The following ASTN1 variants were observed in gnomAD, a reference collection of about 807,000 sequenced individuals.
ASTN1 encodes the protein astrotactin 1.
Under a neutral mutation model 140.7 loss-of-function variants are expected in ASTN1, and 41 were observed. The observed-to-expected ratio is 0.29, with a 90% CI of 0.23 to 0.38. ASTN1 has a LOEUF of 0.38. Ranked by LOEUF, ASTN1 falls within the 10% of genes least tolerant of loss-of-function variation. The pLI is 1.00. For synonymous variants in ASTN1, 640 were observed against 652.2 expected (o/e 0.98, Z 0.29); for missense variants, 1,479 against 1,678.8 (o/e 0.88, Z 2.08).
chr1:177,025,718 A>C (rs1676074680), intron 5 of ASTN1, among the ~76,000 whole-genome samples: 1 of 152,246 alleles, frequency 6.6e-6, no homozygotes, highest in Non-Finnish European at 1.5e-5. Context: ...GCTTTCTTAC[A>C]ATAAGCCTAT....
At chr1:176,955,351 TCAAGTTTCTGA>T (rs1672356930) in intron 11 of ASTN1, among the ~76,000 whole-genome samples, 1 of 152,074 alleles carries the variant, frequency 6.6e-6, no homozygotes, top group African/African-American at 2.4e-5. Context: ...AGGCTCAAGG[TCAAGTTTCTGA>T]CCTTCTCAGT....
chr1:176,870,555 T>C (rs1668297013), intron 21 of ASTN1, among the ~76,000 whole-genome samples: 1 of 152,214 alleles, frequency 6.6e-6, no homozygotes, highest in South Asian at 2.1e-4. Context: ...GACAATCTAG[T>C]AGATCCAAAA....
intron 6 of ASTN1, among the ~76,000 whole-genome samples, chr1:177,024,108 T>C (rs1346107161): frequency 6.6e-6 from 1 of 152,222 alleles, no homozygotes; most frequent in Admixed American, 6.5e-5. Context: ...CCTCATTATA[T>C]TGGGGTCCCC....
At position 176,864,033 on chromosome 1, in the gene ASTN1, C is replaced by A. The variant is rs2103007557; in HGVS notation, c.*251G>T. ...GGAACAAATTAATGGCAAAGCAAAC[C>A]CCAAAGTAATCCTCTAAAGAAATAT... is the stretch of plus-strand genomic sequence containing the variant. On this transcript the variant is annotated 3_prime_UTR_variant, in exon 23 of 23. Transcript: ENST00000361833. 1 of 1,288,888 alleles carries A rather than the reference C, an allele frequency of 7.8e-7. No homozygotes were observed. The highest frequency in any genetic ancestry group is 9.8e-7 in the Non-Finnish European group (1 of 1,015,908). 79.8% of individuals were successfully genotyped at this position (1,288,888 alleles called of 1,614,324 possible). A position where few individuals can be genotyped will look rare whatever the true frequency, so the allele number is the denominator to read the frequency against.
At chr1:177,131,476 C>G (rs969880673) in intron 1 of ASTN1, among the ~76,000 whole-genome samples, 1 of 152,040 alleles carries the variant, frequency 6.6e-6, no homozygotes, top group African/African-American at 2.4e-5. Flanking sequence ...CTGATAGGAA[C>G]TGAGAATTTA....
intron 1 of ASTN1, among the ~76,000 whole-genome samples, chr1:177,102,554 A>G (rs1360672624): frequency 3.3e-5 from 5 of 152,028 alleles, no homozygotes; most frequent in African/African-American, 2.4e-5. Context: ...AAATGCAGGG[A>G]AAAAAAACAC....
intron 15 of ASTN1, among the ~76,000 whole-genome samples, chr1:176,935,768 T>C (rs1671416776): frequency 6.6e-6 from 1 of 151,986 alleles, no homozygotes; most frequent in Admixed American, 6.6e-5. Context: ...TCTTTCTCTC[T>C]CTCTCTCTCT....
intron 17 of ASTN1, among the ~76,000 whole-genome samples, chr1:176,890,161 C>T (rs1364963103): frequency 6.6e-6 from 1 of 152,130 alleles, no homozygotes; most frequent in Non-Finnish European, 1.5e-5. Flanking sequence ...AGATGACAAA[C>T]AAACTAGCAA....
At chr1:177,147,437 G>T (rs1402849892) in intron 1 of ASTN1, among the ~76,000 whole-genome samples, 5 of 152,054 alleles carry the variant, frequency 3.3e-5, no homozygotes, top group Non-Finnish European at 7.4e-5. Flanking sequence ...CAGTTGCAGG[G>T]GTAGGCAAAT....
At chr1:177,032,356 A>G in intron 3 of ASTN1, 100 bp downstream of exon 3, 1 of 1,480,170 alleles carries the variant, frequency 6.8e-7, no homozygotes, top group Non-Finnish European at 9.2e-7. Context: ...ACATCACACT[A>G]TGTAGGACAA....
intron 9 of ASTN1, among the ~76,000 whole-genome samples, chr1:176,961,485 ATCCT>A: frequency 6.6e-6 from 1 of 152,296 alleles, no homozygotes; most frequent in Non-Finnish European, 1.5e-5. Context: ...GGCCTCATTT[ATCCT>A]TACAACAGTC....
At chr1:177,011,164 G>A (rs778682968) in intron 8 of ASTN1, among the ~76,000 whole-genome samples, 11 of 151,908 alleles carry the variant, frequency 7.2e-5, no homozygotes, top group South Asian at 2.1e-4. Context: ...TCATGTCTCC[G>A]TACCTTTCTG....
intron 1 of ASTN1, among the ~76,000 whole-genome samples, chr1:177,067,199 C>G (rs972207700): frequency 5.9e-5 from 9 of 151,730 alleles, no homozygotes; most frequent in East Asian, 1.9e-4. Flanking sequence ...GATAGGAGGA[C>G]AAATAAGATG....
At chr1:177,100,622 G>C (rs571656534) in intron 1 of ASTN1, among the ~76,000 whole-genome samples, 1 of 152,240 alleles carries the variant, frequency 6.6e-6, no homozygotes, top group South Asian at 2.1e-4. Context: ...TTACCACTGG[G>C]TAAGGGTAAA....
intron 1 of ASTN1, among the ~76,000 whole-genome samples, chr1:177,126,565 A>C (rs1681660568): frequency 6.6e-6 from 1 of 152,204 alleles, no homozygotes; most frequent in South Asian, 2.1e-4. Flanking sequence ...CCAAGTGGAT[A>C]AACAGTTGCT....
At position 177,059,346 on chromosome 1, in the gene ASTN1, G is replaced by T. The variant is rs149297911; in HGVS notation, c.471+1732C>A. Among the ~76,000 whole-genome samples, 524 of 152,208 alleles carry T rather than the reference G, an allele frequency of 3.4e-3. 2 individuals carry two copies. In the Middle Eastern group the frequency reaches 0.041, roughly 12 times the overall value. ...ATGCCAGGGCCAATTCAGCTGACCTGCCTGAATCCTACCACTCTCTGGACA... is the reference window on the plus strand; with the variant it reads ...ATGCCAGGGCCAATTCAGCTGACCTTCCTGAATCCTACCACTCTCTGGACA... On this transcript the variant is annotated intron_variant, in intron 2 of 22. Coordinates refer to ENST00000361833, the MANE Select transcript of ASTN1 (RefSeq NM_004319.3).
chr1:177,043,475 T>C (rs148651241), intron 2 of ASTN1, among the ~76,000 whole-genome samples: 176 of 152,364 alleles, frequency 1.2e-3, no homozygotes, highest in African/African-American at 3.6e-3. Flanking sequence ...TGCAAGTCAT[T>C]TAATGCTAGT....
At chr1:177,101,541 G>A (rs1011089604) in intron 1 of ASTN1, among the ~76,000 whole-genome samples, 6 of 152,150 alleles carry the variant, frequency 3.9e-5, no homozygotes, top group Admixed American at 3.3e-4. Flanking sequence ...TGGTTTTCCT[G>A]GGGGTGAGGT....
At chr1:176,953,869 A>G (rs866059132) in intron 11 of ASTN1, among the ~76,000 whole-genome samples, 1 of 152,232 alleles carries the variant, frequency 6.6e-6, no homozygotes. Flanking sequence ...TACGTCTTAC[A>G]AAGCTAAGGC....
Sources: gnomAD v4.1 joint callset for allele counts (sites outside exome capture counted in the v4.1 genomes callset) on GRCh38, gnomAD v4.1.1 for gene constraint, MANE v1.5 for transcripts, NCBI Gene and HGNC (gene_info 2026-07-23, HGNC 2026-07-21) for gene names.